The following MYO1B variants were observed in gnomAD, a reference collection of about 807,000 sequenced individuals.
The protein encoded by MYO1B is unconventional myosin-Ib.
Under a neutral mutation model 159.7 loss-of-function variants are expected in MYO1B, and 72 were observed. The ratio of observed to expected loss-of-function variants is 0.45; its 90% CI spans 0.37 to 0.55. MYO1B has a LOEUF of 0.55. Ranked by LOEUF, MYO1B falls within the 20% of genes least tolerant of loss-of-function variation. The pLI, the probability that MYO1B is intolerant of heterozygous loss-of-function variation, is 0.00. For synonymous variants in MYO1B, 468 were observed against 473.8 expected (o/e 0.99, Z 0.16); for missense variants, 1,062 against 1,364.8 (o/e 0.78, Z 3.50).
intron 9 of MYO1B, 88 bp downstream of exon 9, chr2:191,362,459 A>G: frequency 1.1e-6 from 1 of 920,258 alleles, no homozygotes; most frequent in Non-Finnish European, 1.7e-6. Flanking sequence ...TTTTCTTTAA[A>G]GTGTAGCTCA....
At position 191,414,136 on chromosome 2, in the gene MYO1B, A is replaced by G; in HGVS notation, c.2962A>G (p.Ile988Val). 6.2e-7 allele frequency: 1 copy of G among 1,613,596 alleles called. No individual in the cohort carries two copies. Among genetic ancestry groups the G allele is most frequent in the Non-Finnish European group, 8.5e-7 (1 of 1,179,736 alleles). Residue 988 changes from isoleucine to valine, a missense_variant, in exon 28 of 31, where the codon ATC (isoleucine) becomes GTC (valine). Ile to Val is a conservative substitution (Grantham distance 29). Coordinates refer to ENST00000392318, the MANE Select transcript of MYO1B (RefSeq NM_001130158.3). Reference sequence around the variant, plus strand: ...CAAAGATGCCATTGAAGAAAAGATCATCATTGCTGAAGTCGTGAACAAAAT... The same window carrying G: ...CAAAGATGCCATTGAAGAAAAGATCGTCATTGCTGAAGTCGTGAACAAAAT... ...KLKDAIEEKI[I>V]IAEVVNKINR... is the part of the protein sequence containing the mutation.
chr2:191,320,009 T>A (rs1690597739), intron 3 of MYO1B, among the ~76,000 whole-genome samples: 1 of 152,022 alleles, frequency 6.6e-6, no homozygotes, highest in Admixed American at 6.6e-5. Context: ...AATGAGAGAC[T>A]CCTCTAAGAC....
Position 191,390,422 on chromosome 2 carries a change from T to G in MYO1B, c.1912T>G (p.Tyr638Asp), listed in dbSNP as rs746831096. 1.9e-6 allele frequency: 3 copies of G among 1,614,136 alleles called. No homozygotes were observed. In the African/African-American group the frequency reaches 4.0e-5, roughly 22 times the overall value. The stretch of plus-strand genomic sequence containing the variant: ...GGCAGGCTACGCCTTCAGGCAGGCC[T>G]ATGAACCTTGCCTAGAAAGATACAA... ...RRAGYAFRQAYEPCLERYKML... is the reference protein window; with the variant it reads ...RRAGYAFRQADEPCLERYKML... The change falls in exon 18 of 31, where the codon TAT becomes GAT. Residue 638 changes from tyrosine (Y) to aspartate (D), a missense_variant. By Grantham distance (160) the Tyr-to-Asp change is radical (BLOSUM62 -3). Around this residue, in one of 5 missense-constraint regions of MYO1B, gnomAD observed 609 missense variants for 744.4 expected, o/e 0.82. Transcript: ENST00000392318.
chr2:191,417,805 C>A (rs545988325), intron 30 of MYO1B, among the ~76,000 whole-genome samples: 3 of 152,332 alleles, frequency 2.0e-5, no homozygotes, highest in Admixed American at 6.5e-5. Context: ...TTGTGATTCT[C>A]CTGAGGAGCT....
At chr2:191,289,838 T>C (rs1167094959) in intron 2 of MYO1B, among the ~76,000 whole-genome samples, 7 of 152,188 alleles carry the variant, frequency 4.6e-5, no homozygotes, top group Admixed American at 6.5e-5. Flanking sequence ...GGAAGAATTA[T>C]GATATAAAAG....
chr2:191,252,306 C>T (rs953717941), intron 1 of MYO1B, among the ~76,000 whole-genome samples: 1 of 152,176 alleles, frequency 6.6e-6, no homozygotes, highest in Non-Finnish European at 1.5e-5. Context: ...TGAACTGCCA[C>T]GTTGGTCAGG....
chr2:191,358,062 A>G (rs563700233), intron 7 of MYO1B, among the ~76,000 whole-genome samples: 2 of 152,284 alleles, frequency 1.3e-5, no homozygotes, highest in African/African-American at 2.4e-5. Flanking sequence ...GAATTCATGT[A>G]TTTATACAAA....
At chr2:191,250,407 G>A (rs1686039467) in intron 1 of MYO1B, among the ~76,000 whole-genome samples, 1 of 152,188 alleles carries the variant, frequency 6.6e-6, no homozygotes, top group African/African-American at 2.4e-5. Context: ...GAATAGCAGT[G>A]TCTTCCCTGG....
chr2:191,389,375 G>T (rs1695602322), intron 17 of MYO1B, among the ~76,000 whole-genome samples: 1 of 152,216 alleles, frequency 6.6e-6, no homozygotes, highest in African/African-American at 2.4e-5. Context: ...CAAGATTGAT[G>T]TTTATTTCTT....
chr2:191,383,509 TACACGTAC>T (rs1695205917), intron 15 of MYO1B, among the ~76,000 whole-genome samples, 167 bp downstream of exon 15: 1 of 105,994 alleles, frequency 9.4e-6, no homozygotes, highest in African/African-American at 4.8e-5. Context: ...TATATATATA[TACACGTAC>T]ACACACACAC....
chr2:191,259,936 G>T (rs1310484935), intron 1 of MYO1B, among the ~76,000 whole-genome samples: 2 of 152,110 alleles, frequency 1.3e-5, no homozygotes, highest in African/African-American at 4.8e-5. Flanking sequence ...AAAAGCCAGG[G>T]CCTGGGGTTC....
chr2:191,409,798 G>C (rs191289344), intron 26 of MYO1B, among the ~76,000 whole-genome samples: 1 of 152,272 alleles, frequency 6.6e-6, no homozygotes, highest in African/African-American at 2.4e-5. Context: ...CATGGAACAC[G>C]TGGGGCACTT....
intron 13 of MYO1B, chr2:191,381,032 G>A (rs1456106128): frequency 3.5e-6 from 1 of 289,000 alleles, no homozygotes; most frequent in Non-Finnish European, 6.7e-6. Flanking sequence ...TGAGGGATCT[G>A]TCCCTGGATG....
chr2:191,322,078 C>G (rs764320986), intron 3 of MYO1B, among the ~76,000 whole-genome samples: 1 of 152,172 alleles, frequency 6.6e-6, no homozygotes, highest in African/African-American at 2.4e-5. Context: ...GTAGCAAGGG[C>G]AGATAAAGAA....
intron 1 of MYO1B, among the ~76,000 whole-genome samples, chr2:191,261,023 T>G (rs1190105867): frequency 1.3e-5 from 2 of 152,204 alleles, no homozygotes; most frequent in East Asian, 3.8e-4. Flanking sequence ...TTTATTGACT[T>G]CCAGACTTGC....
intron 4 of MYO1B, among the ~76,000 whole-genome samples, chr2:191,334,557 G>A (rs565255649): frequency 2.6e-4 from 39 of 152,188 alleles, no homozygotes; most frequent in African/African-American, 8.9e-4. Flanking sequence ...TGGTTTCAGT[G>A]CCCAAATCAC....
rs1304439794 is a variant in MYO1B, at chr2:191,386,063, G to A, written c.1533G>A (p.Arg511=). ...CGTCTCTGCCTCACAGCTGCTTCAG[G>A]ATCCAGCATTATGCTGGAAAGGTAT... ...NDTSLPHSCF[R]IQHYAGKVLY... is the part of the protein sequence containing the mutation. Residue 511 remains arginine, a synonymous_variant, in exon 16 of 31, where the codon AGG becomes AGA. Coordinates refer to ENST00000392318, the MANE Select transcript of MYO1B (RefSeq NM_001130158.3). 2 of 1,614,066 alleles carry A rather than the reference G, an allele frequency of 1.2e-6. No individual in the cohort carries two copies. Among genetic ancestry groups the A allele is most frequent in the Admixed American group, 1.7e-5 (1 of 60,006 alleles).
intron 2 of MYO1B, among the ~76,000 whole-genome samples, chr2:191,289,896 T>G (rs1200073851): frequency 6.6e-6 from 1 of 152,220 alleles, no homozygotes; most frequent in Non-Finnish European, 1.5e-5. Context: ...TATACAGACT[T>G]GGAAATATTC....
intron 23 of MYO1B, chr2:191,402,019 AC>A (rs1696646543): frequency 6.5e-6 from 1 of 152,792 alleles, no homozygotes; most frequent in Non-Finnish European, 1.5e-5. Context: ...TGTATATTTT[AC>A]TTTTGCGACC....
Sources: allele counts gnomAD v4.1 joint callset (sites outside exome capture counted in the v4.1 genomes callset), GRCh38; gene constraint gnomAD v4.1.1; regional missense constraint gnomAD v4.1.1; transcripts MANE v1.5; gene names NCBI Gene and HGNC (gene_info 2026-07-23, HGNC 2026-07-21).